DLC1: variants seen among roughly 807,000 people sequenced by gnomAD.
DLC1 encodes the protein rho GTPase-activating protein 7.
Under a neutral mutation model 140.3 loss-of-function variants are expected in DLC1, and 54 were observed. That is an observed-to-expected ratio of 0.38 (90% CI 0.31 to 0.48). The LOEUF (loss-of-function observed/expected upper bound fraction) is 0.48, where lower values mean the gene tolerates loss of function less well. Ranked by LOEUF, DLC1 falls within the 20% of genes least tolerant of loss-of-function variation. DLC1 has a pLI of 0.96. For synonymous variants in DLC1, 986 were observed against 728.1 expected (o/e 1.35, Z -5.70); for missense variants, 2,536 against 1,907.0 (o/e 1.33, Z -6.14).
At chr8:13,171,708 A>T (rs77093292) in intron 5 of DLC1, among the ~76,000 whole-genome samples, 3,090 of 152,254 alleles carry the variant, frequency 0.02, 41 homozygotes, top group South Asian at 0.036. Flanking sequence ...TTTAAAAAGT[A>T]GTTTACACAG....
intron 5 of DLC1, among the ~76,000 whole-genome samples, chr8:13,131,343 G>T (rs1254070876): frequency 6.6e-6 from 1 of 151,568 alleles, no homozygotes; most frequent in Non-Finnish European, 1.5e-5. Context: ...CAGAATTTTG[G>T]AGGAAAAAAA....
intron 12 of DLC1, among the ~76,000 whole-genome samples, chr8:13,093,646 C>T (rs1044862596): frequency 2.0e-5 from 3 of 152,162 alleles, no homozygotes; most frequent in African/African-American, 7.2e-5. Context: ...ACTGATTAAA[C>T]AGCTCCATGG....
intron 1 of DLC1, among the ~76,000 whole-genome samples, chr8:13,524,515 T>G (rs1270484648): frequency 6.6e-6 from 1 of 152,154 alleles, no homozygotes; most frequent in Non-Finnish European, 1.5e-5. Context: ...TTACATGATA[T>G]CTATGAAACA....
chr8:13,095,268 T>C, intron 10 of DLC1, 23 bp from the exon 11 acceptor site: 1 of 1,614,050 alleles, frequency 6.2e-7, no homozygotes, highest in African/African-American at 1.3e-5. Context: ...ACAGAGATGG[T>C]GGTGTTGGCG....
chr8:13,316,642 C>T (rs1332977182), intron 4 of DLC1, among the ~76,000 whole-genome samples: 3 of 151,994 alleles, frequency 2.0e-5, no homozygotes, highest in African/African-American at 7.3e-5. Flanking sequence ...GGATCCCACT[C>T]GGCACGATTG....
Position 13,499,341 on chromosome 8 carries a change from T to C in DLC1, c.731A>G (p.Glu244Gly). The change falls in exon 2 of 18, where the codon GAA becomes GGA. Residue 244 changes from glutamate (E) to glycine (G), a missense_variant. Physicochemically the swap from Glu to Gly is moderately conservative, Grantham distance 98 (BLOSUM62 -2). Coordinates refer to ENST00000276297, the MANE Select transcript of DLC1 (RefSeq NM_182643.3). ...QRRKPDPPKD[E>G]NERSTCNVVQ... ...TACATTGCAGGTGCTTCTTTCATTT[T>C]CATCTTTAGGGGGGTCAGGTTTCCT... 2 of 1,614,072 alleles carry C rather than the reference T, an allele frequency of 1.2e-6. No individual in the cohort carries two copies. The highest frequency in any genetic ancestry group is 8.5e-7 in the Non-Finnish European group (1 of 1,180,018).
Position 13,489,412 on chromosome 8 carries a change from T to TACACACACACACACAC in DLC1, c.1023+9621_1023+9636dup, listed in dbSNP as rs10558551. Among the ~76,000 whole-genome samples, 1,212 of 132,316 alleles carry TACACACACACACACAC rather than the reference T, an allele frequency of 9.2e-3. 38 individuals are homozygous for TACACACACACACACAC. The East Asian group carries it at 0.11, about 12-fold the overall frequency. 86.8% of individuals were successfully genotyped at this position (132,316 alleles called of 152,430 possible). A position where few individuals can be genotyped will look rare whatever the true frequency, so the allele number is the denominator to read the frequency against. ...GCAATTTAGTAAAACACACACACCA[T>TACACACACACACACAC]ACACACACACACACACACACACACA... On this transcript the variant is annotated intron_variant, in intron 2 of 17. Transcript: ENST00000276297.
intron 1 of DLC1, among the ~76,000 whole-genome samples, chr8:13,591,833 G>A (rs143749669): frequency 0.012 from 1,809 of 152,236 alleles, 17 homozygotes; most frequent in Middle Eastern, 0.041. Flanking sequence ...GGAACAAATT[G>A]TATTGAAATA....
At chr8:13,402,197 C>G (rs866636710) in intron 2 of DLC1, among the ~76,000 whole-genome samples, 1 of 152,160 alleles carries the variant, frequency 6.6e-6, no homozygotes, top group Non-Finnish European at 1.5e-5. Flanking sequence ...TTATTTTACA[C>G]ACTTATAAAA....
rs1818927011 is a variant in DLC1 at position 13,100,211 on chromosome 8, T to C, written c.2126A>G (p.Lys709Arg). ...GGAGATCTCCACGCAGTTGAGCTGCTTCAGCTTCTCCTCATCCATCCCCTC... is the reference window on the plus strand; with the variant it reads ...GGAGATCTCCACGCAGTTGAGCTGCCTCAGCTTCTCCTCATCCATCCCCTC... Reference protein sequence around the residue: ...LQEGMDEEKLKQLNCVEISAL... With the variant: ...LQEGMDEEKLRQLNCVEISAL... Residue 709 changes from lysine to arginine, a missense_variant, in exon 9 of 18, where the codon AAG becomes AGG. Lys to Arg is a conservative substitution (Grantham distance 26). Coordinates refer to ENST00000276297, the MANE Select transcript of DLC1 (RefSeq NM_182643.3). 6.2e-7 allele frequency: 1 copy of C among 1,614,202 alleles called. No homozygotes were observed. The highest frequency in any genetic ancestry group is 1.7e-5 in the Admixed American group (1 of 60,030).
intron 5 of DLC1, among the ~76,000 whole-genome samples, chr8:13,295,938 C>CTTTTTTTTTTTTTTTTTTTTTTTTTT (rs34697767): frequency 5.6e-5 from 3 of 53,344 alleles, no homozygotes; most frequent in Non-Finnish European, 3.7e-5. Flanking sequence ...AGATAAGATT[C>CTTTTTTTTTTTTTTTTTTTTTTTTTT]TTTGTTTTTT....
chr8:13,092,354 G>C (rs1242206895), intron 13 of DLC1, among the ~76,000 whole-genome samples: 1 of 152,256 alleles, frequency 6.6e-6, no homozygotes, highest in Non-Finnish European at 1.5e-5. Flanking sequence ...TACTTTTCAA[G>C]TTCCTTTAGA....
chr8:13,235,429 T>C (rs1829231531), intron 5 of DLC1, among the ~76,000 whole-genome samples: 1 of 151,962 alleles, frequency 6.6e-6, no homozygotes, highest in Non-Finnish European at 1.5e-5. Flanking sequence ...CAGAAGAAAA[T>C]GTGTATATTC....
chr8:13,396,062 CT>C (rs33927089), intron 3 of DLC1, among the ~76,000 whole-genome samples: 18,083 of 135,188 alleles, frequency 0.13, 1,023 homozygotes, highest in South Asian at 0.18. Context: ...TCTTTTCTTT[CT>C]TTTTTTTTTT....
chr8:13,129,255 T>C (rs190260415), intron 5 of DLC1, among the ~76,000 whole-genome samples: 3 of 152,336 alleles, frequency 2.0e-5, no homozygotes, highest in East Asian at 3.9e-4. Flanking sequence ...TCCCTCTGCA[T>C]TCATCCATAT....
intron 4 of DLC1, 71 bp from the exon 5 acceptor site, chr8:13,305,373 CGAA>C (rs1419693631): frequency 4.3e-5 from 63 of 1,457,132 alleles, no homozygotes; most frequent in Non-Finnish European, 5.5e-5. Flanking sequence ...AGAAATAAAA[CGAA>C]GTGTAATTAA....
intron 1 of DLC1, among the ~76,000 whole-genome samples, chr8:13,604,367 G>A (rs182292531): frequency 1.3e-5 from 2 of 152,108 alleles, no homozygotes; most frequent in East Asian, 1.9e-4. Flanking sequence ...CTTCTTTTAT[G>A]TGTATTTAGT....
At chr8:13,211,359 G>A (rs570273959) in intron 5 of DLC1, among the ~76,000 whole-genome samples, 1 of 151,952 alleles carries the variant, frequency 6.6e-6, no homozygotes, top group Non-Finnish European at 1.5e-5. Context: ...TGTACTCTGT[G>A]TGCTACTTTG....
intron 5 of DLC1, among the ~76,000 whole-genome samples, chr8:13,215,543 GCCACTGCACT>G (rs1828155631): frequency 6.6e-6 from 1 of 152,212 alleles, no homozygotes; most frequent in East Asian, 1.9e-4. Context: ...CCAAGATCAC[GCCACTGCACT>G]CCAGCTTGGG....
Sources: gnomAD v4.1 joint callset for allele counts (sites outside exome capture counted in the v4.1 genomes callset) on GRCh38, gnomAD v4.1.1 for gene constraint, MANE v1.5 for transcripts, NCBI Gene and HGNC (gene_info 2026-07-23, HGNC 2026-07-21) for gene names.